Variants in ALAS1 observed in about 807,000 individuals in gnomAD.
The protein encoded by ALAS1 is 5'-aminolevulinate synthase 1.
Under a neutral mutation model 59.6 loss-of-function variants are expected in ALAS1, and 29 were observed. The observed-to-expected ratio is 0.49, with a 90% CI of 0.36 to 0.66. ALAS1 has a LOEUF of 0.66. ALAS1 is among the 30% of genes least tolerant of loss of function. The pLI is 0.00. For synonymous variants in ALAS1, 299 were observed against 296.6 expected (o/e 1.01, Z -0.08); for missense variants, 690 against 807.5 (o/e 0.85, Z 1.76).
chr3:52,198,345 C>T (rs919235444), intron 1 of ALAS1, 90 bp downstream of exon 1: 1 of 406,866 alleles, frequency 2.5e-6, no homozygotes. Context: ...GTGCTGGGAC[C>T]CCATCCCCCA....
At chr3:52,205,760 T>C in intron 6 of ALAS1, 79 bp from the exon 7 acceptor site, 2 of 1,396,342 alleles carry the variant, frequency 1.4e-6, no homozygotes, top group Non-Finnish European at 1.9e-6. Context: ...GTCTCCTGGA[T>C]CCTAGAAAGG....
chr3:52,208,269 T>A (rs561485931), intron 9 of ALAS1, 22 bp downstream of exon 9: 2 of 1,612,610 alleles, frequency 1.2e-6, no homozygotes, highest in South Asian at 2.2e-5. Context: ...TTGTATTACA[T>A]ACACTAAAAT....
intron 11 of ALAS1, 68 bp downstream of exon 11, chr3:52,212,488 A>G: frequency 3.2e-6 from 5 of 1,584,848 alleles, no homozygotes; most frequent in Non-Finnish European, 4.3e-6. Context: ...CAGTGTTTAT[A>G]ATTGAAGCCC....
intron 11 of ALAS1, among the ~76,000 whole-genome samples, chr3:52,213,087 C>T (rs1699446183): frequency 6.6e-6 from 1 of 152,188 alleles, no homozygotes. Context: ...CATTTGTCTT[C>T]ACCACTGCCC....
chr3:52,211,480 C>T lies in ALAS1; in HGVS notation c.1528C>T (p.Leu510Phe), dbSNP rs762970207. The T allele has an allele frequency of 2.0e-5, 32 of 1,614,110 alleles. No homozygotes were observed. The highest frequency in any genetic ancestry group is 2.7e-5 in the Non-Finnish European group (32 of 1,180,060). The change falls in exon 10 of 12, where the codon CTC (leucine) becomes TTC (phenylalanine). Residue 510 changes from leucine to phenylalanine, a missense_variant. Physicochemically the swap from Leu to Phe is conservative, Grantham distance 22. Coordinates refer to ENST00000484952, the MANE Select transcript of ALAS1 (RefSeq NM_000688.6). Reference sequence around the variant, plus strand: ...CCGCCAGCACCAGCGCAACGTCAAACTCATGAGACAGATGCTAATGGATGC... The same window carrying T: ...CCGCCAGCACCAGCGCAACGTCAAATTCATGAGACAGATGCTAATGGATGC... Reference protein sequence around the residue: ...LRRQHQRNVKLMRQMLMDAGL... With the variant: ...LRRQHQRNVKFMRQMLMDAGL...
At chr3:52,202,878 A>G in intron 4 of ALAS1, 144 bp downstream of exon 4, 1 of 782,172 alleles carries the variant, frequency 1.3e-6, no homozygotes, top group Non-Finnish European at 2.1e-6. Context: ...AAGGTCTTCA[A>G]GATAGACAGT....
intron 4 of ALAS1, 66 bp from the exon 5 acceptor site, chr3:52,203,793 ATGTT>A: frequency 6.8e-7 from 1 of 1,481,006 alleles, no homozygotes; most frequent in African/African-American, 1.4e-5. Flanking sequence ...TTTTGACAAT[ATGTT>A]TGGAAGATAT....
At chr3:52,210,939 G>A (rs554507692) in intron 9 of ALAS1, among the ~76,000 whole-genome samples, 2 of 152,316 alleles carry the variant, frequency 1.3e-5, no homozygotes, top group South Asian at 4.1e-4. Flanking sequence ...GCACACCTAG[G>A]CTTTGTGGTA....
At position 52,214,287 on chromosome 3, in the gene ALAS1, T is replaced by C. The variant is rs527275364; in HGVS notation, c.*107T>C. The C allele has an allele frequency of 4.5e-4, 479 of 1,063,844 alleles. 1 individual carries two copies. The highest frequency in any genetic ancestry group is 6.0e-4 in the Non-Finnish European group (454 of 761,178). The allele number at this position is 1,063,844 out of a possible 1,614,324, so 65.9% of individuals were successfully genotyped here. Reference sequence around the variant, plus strand: ...AGTTATATTAAATTTTAATCTATAGTAAAAACATAGTCCTGGAAATAAATT... The same window carrying C: ...AGTTATATTAAATTTTAATCTATAGCAAAAACATAGTCCTGGAAATAAATT... On this transcript the variant is annotated 3_prime_UTR_variant, in exon 12 of 12. Coordinates refer to ENST00000484952, the MANE Select transcript of ALAS1 (RefSeq NM_000688.6).
intron 3 of ALAS1, among the ~76,000 whole-genome samples, chr3:52,200,138 A>G (rs1383507679): frequency 6.6e-6 from 1 of 150,456 alleles, no homozygotes; most frequent in Non-Finnish European, 1.5e-5. Flanking sequence ...TAAAGTAGTG[A>G]TTTTTTTTTT....
rs868531992 is a variant in ALAS1, at chr3:52,212,118, T to C, written c.1600-140T>C. The C allele has an allele frequency of 1.1e-4, 82 of 756,484 alleles. No homozygotes were observed. In the Middle Eastern group the frequency reaches 1.2e-3, roughly 11 times the overall value. The allele number at this position is 756,484 out of a possible 1,614,324, so 46.9% of individuals were successfully genotyped here. On this transcript the variant is annotated intron_variant, in intron 10 of 11. Transcript: ENST00000484952. ...TAAATGACAGGTGTTTGGGCAGCGC[T>C]TTCCCTCTGCCCCAAGCTTGCATGT...
Position 52,212,435 on chromosome 3 carries a change from A to G in ALAS1, c.1762+15A>G. The G allele has an allele frequency of 6.2e-7, 1 of 1,613,612 alleles. No homozygotes were observed. ...CTACTTCCTTGGTGAGTACCTGGGGAGCTGCTGGTGCCTCACTGAGGAGTT... is the reference window on the plus strand; with the variant it reads ...CTACTTCCTTGGTGAGTACCTGGGGGGCTGCTGGTGCCTCACTGAGGAGTT... On this transcript the variant is annotated intron_variant, in intron 11 of 11. Transcript: ENST00000484952.
intron 4 of ALAS1, among the ~76,000 whole-genome samples, chr3:52,203,642 A>C (rs749602784): frequency 2.0e-5 from 3 of 152,322 alleles, no homozygotes; most frequent in Middle Eastern, 6.8e-3. Context: ...TTTATTGTTC[A>C]TTAAAGCTGG....
intron 3 of ALAS1, among the ~76,000 whole-genome samples, chr3:52,201,270 TCAG>T (rs1410280749): frequency 3.9e-5 from 6 of 152,224 alleles, no homozygotes. Flanking sequence ...CGGTGTTTAG[TCAG>T]CAGACTTTGA....
Position 52,206,738 on chromosome 3 carries a change from C to T in ALAS1, c.1152C>T (p.Val384=), listed in dbSNP as rs1289023064. 1 of 1,613,968 alleles carries T rather than the reference C, an allele frequency of 6.2e-7. No individual in the cohort carries two copies. Among genetic ancestry groups the T allele is most frequent in the Non-Finnish European group, 8.5e-7 (1 of 1,179,982 alleles). ...CCAAGATTGTGGCATTTGAAACTGT[C>T]CATTCAATGGATGGTAAGTGTGGAT... The part of the protein sequence containing the change: ...SVPKIVAFET[V]HSMDGAVCPL... Residue 384 remains valine (V), a synonymous_variant, in exon 8 of 12, where the codon GTC becomes GTT. Transcript: ENST00000484952.
rs768669096 is a variant in ALAS1 at position 52,199,439 on chromosome 3, GAGTA to G, written c.199+3_199+6del. On this transcript the variant is annotated splice_donor_variant and splice_donor_region_variant and coding_sequence_variant and intron_variant, in exon 3 of 12. Coordinates refer to ENST00000484952, the MANE Select transcript of ALAS1 (RefSeq NM_000688.6). LOFTEE classifies it high-confidence loss of function. ...TCAAAGAAACCCCTCCGGCCAGTGA[GAGTA>G]AGTGTCATTGACAATGAAGGAGCAG... is the stretch of plus-strand genomic sequence containing the variant. 1.7e-4 allele frequency: 278 copies of G among 1,612,896 alleles called. No homozygotes were observed. Among genetic ancestry groups the G allele is most frequent in the Admixed American group, 2.3e-4 (14 of 59,946 alleles).
At chr3:52,198,545 T>G in intron 1 of ALAS1, 127 bp from the exon 2 acceptor site, 2 of 548,486 alleles carry the variant, frequency 3.6e-6, no homozygotes, top group South Asian at 2.5e-5. Context: ...TGACCCCCAC[T>G]GCCGGAGGAC....
intron 1 of ALAS1, 144 bp from the exon 2 acceptor site, chr3:52,198,528 T>C: frequency 2.0e-6 from 1 of 488,498 alleles, no homozygotes; most frequent in Admixed American, 3.6e-5. Flanking sequence ...CGACCGCGGG[T>C]CACCTCTGAC....
chr3:52,210,359 A>G (rs1282307422), intron 9 of ALAS1, among the ~76,000 whole-genome samples: 2 of 152,176 alleles, frequency 1.3e-5, no homozygotes, highest in Admixed American at 6.5e-5. Context: ...GCACACTGGG[A>G]CCAGTCACTG....
Sources: gnomAD v4.1 joint callset for allele counts (sites outside exome capture counted in the v4.1 genomes callset) on GRCh38, gnomAD v4.1.1 for gene constraint, MANE v1.5 for transcripts, NCBI Gene and HGNC (gene_info 2026-07-23, HGNC 2026-07-21) for gene names.